The following PCSK6 variants were observed in gnomAD, a reference collection of about 807,000 sequenced individuals.
PCSK6 encodes the protein paired basic amino acid cleaving enzyme 4.
A neutral mutation model predicts 123.3 loss-of-function variants in PCSK6; 85 were observed. The ratio of observed to expected loss-of-function variants is 0.69; its 90% CI spans 0.58 to 0.83. The LOEUF is 0.83. Among genes scored for constraint, PCSK6 ranks in the 40% least tolerant of loss-of-function variants. The pLI, the probability that PCSK6 is intolerant of heterozygous loss-of-function variation, is 0.00. For missense variants in PCSK6, 1,191 were observed against 1,282.3 expected, an observed-to-expected ratio of 0.93 and a Z score of 1.09; for synonymous variants, 508 against 516.0, an observed-to-expected ratio of 0.98 and a Z score of 0.21.
intron 1 of PCSK6, among the ~76,000 whole-genome samples, chr15:101,488,883 G>A (rs1247046483): frequency 1.3e-5 from 2 of 150,868 alleles, no homozygotes; most frequent in African/African-American, 4.9e-5. Flanking sequence ...AGCAGCGGCC[G>A]CGGCCGCCTT....
At chr15:101,431,929 C>A in intron 3 of PCSK6, 61 bp downstream of exon 3, 2 of 1,188,444 alleles carry the variant, frequency 1.7e-6, no homozygotes, top group East Asian at 2.4e-5. Flanking sequence ...GGAAATTAAC[C>A]CATTTCAGAG....
chr15:101,342,160 T>G (rs1454773108), intron 13 of PCSK6, among the ~76,000 whole-genome samples: 35 of 109,940 alleles, frequency 3.2e-4, no homozygotes, highest in Admixed American at 3.0e-3. Flanking sequence ...AAAAGAAGAT[T>G]GCTTAAAGCA....
At chr15:101,461,532 A>T in intron 1 of PCSK6, among the ~76,000 whole-genome samples, 1 of 152,190 alleles carries the variant, frequency 6.6e-6, no homozygotes, top group Middle Eastern at 3.2e-3. Context: ...AACAGACAAG[A>T]ACAGTATAAG....
intron 3 of PCSK6, 54 bp downstream of exon 3, chr15:101,431,936 A>C: frequency 7.9e-7 from 1 of 1,263,422 alleles, no homozygotes; most frequent in South Asian, 1.2e-5. Context: ...AACCCATTTC[A>C]GAGACCTGGC....
intron 19 of PCSK6, chr15:101,313,941 A>G (rs1346551088): frequency 6.5e-6 from 1 of 154,998 alleles, no homozygotes; most frequent in Non-Finnish European, 1.4e-5. Context: ...AGGATATGTT[A>G]CTAAAATTAT....
chr15:101,431,514 AG>A, intron 3 of PCSK6, 51 bp from the exon 4 acceptor site: 1 of 1,610,010 alleles, frequency 6.2e-7, no homozygotes, highest in Non-Finnish European at 8.5e-7. Context: ...TTCCAGATGC[AG>A]AACTGACACT....
chr15:101,316,908 C>CTTTTTTTTTTTTTTTTT (rs2040001564), intron 19 of PCSK6, among the ~76,000 whole-genome samples: 1 of 91,684 alleles, frequency 1.1e-5, no homozygotes, highest in African/African-American at 9.0e-5. Flanking sequence ...AGACTTAATT[C>CTTTTTTTTTTTTTTTTT]TGTTTTTTTT....
At chr15:101,310,420 C>G (rs1002958222) in intron 20 of PCSK6, among the ~76,000 whole-genome samples, 3 of 152,262 alleles carry the variant, frequency 2.0e-5, no homozygotes, top group Non-Finnish European at 4.4e-5. Flanking sequence ...GCATGATCAG[C>G]ATGCCCTGAA....
At chr15:101,392,507 G>A (rs775716977) in intron 8 of PCSK6, among the ~76,000 whole-genome samples, 23 of 151,138 alleles carry the variant, frequency 1.5e-4, no homozygotes, top group Middle Eastern at 3.4e-3. Context: ...CAGCTCCACA[G>A]TCTCATTTTT....
intron 1 of PCSK6, among the ~76,000 whole-genome samples, chr15:101,450,379 C>G (rs903536071): frequency 2.6e-5 from 4 of 152,190 alleles, no homozygotes; most frequent in African/African-American, 9.6e-5. Context: ...TGTGCTCGCT[C>G]AAGTCCCCTC....
intron 13 of PCSK6, among the ~76,000 whole-genome samples, chr15:101,348,201 C>T (rs1005081473): frequency 1.3e-5 from 2 of 152,138 alleles, no homozygotes; most frequent in African/African-American, 4.8e-5. Flanking sequence ...TGCTCCTCCC[C>T]GGTGGGAACG....
chr15:101,324,792 G>T, intron 17 of PCSK6, 58 bp downstream of exon 17: 1 of 1,427,344 alleles, frequency 7.0e-7, no homozygotes, highest in Non-Finnish European at 9.7e-7. Flanking sequence ...GAGAGGACAC[G>T]GGCCCAGAAA....
At chr15:101,358,448 C>T (rs953492003) in intron 13 of PCSK6, among the ~76,000 whole-genome samples, 1 of 152,154 alleles carries the variant, frequency 6.6e-6, no homozygotes, top group South Asian at 2.1e-4. Context: ...TCACTGGTGG[C>T]CCTTGGGCCC....
intron 20 of PCSK6, among the ~76,000 whole-genome samples, chr15:101,312,825 A>C (rs573619970): frequency 6.6e-6 from 1 of 151,466 alleles, no homozygotes; most frequent in Non-Finnish European, 1.5e-5. Flanking sequence ...GCGAGACTCC[A>C]TCTCAAAAAA....
intron 21 of PCSK6, among the ~76,000 whole-genome samples, chr15:101,306,092 T>C (rs1596158657): frequency 9.1e-6 from 1 of 110,032 alleles, no homozygotes; most frequent in Non-Finnish European, 1.8e-5. Context: ...CAGGAGGGAA[T>C]GGAAGCTGCT....
intron 1 of PCSK6, among the ~76,000 whole-genome samples, chr15:101,487,880 A>C (rs187418424): frequency 6.6e-6 from 1 of 152,356 alleles, no homozygotes; most frequent in East Asian, 1.9e-4. Context: ...GTGGTTAAAA[A>C]AACTAAATAT....
At chr15:101,410,474 G>A (rs1249980754) in intron 6 of PCSK6, among the ~76,000 whole-genome samples, 1 of 152,214 alleles carries the variant, frequency 6.6e-6, no homozygotes, top group Non-Finnish European at 1.5e-5. Flanking sequence ...GCAAAGAAAG[G>A]ATGAATAAGA....
intron 1 of PCSK6, among the ~76,000 whole-genome samples, chr15:101,444,936 T>C (rs927899597): frequency 3.3e-5 from 5 of 152,200 alleles, no homozygotes; most frequent in African/African-American, 1.2e-4. Flanking sequence ...CCAGCCCCTT[T>C]GCTTCCCTTC....
At chr15:101,432,308 C>T (rs2056471115) in intron 2 of PCSK6, among the ~76,000 whole-genome samples, 1 of 151,998 alleles carries the variant, frequency 6.6e-6, no homozygotes, top group African/African-American at 2.4e-5. Context: ...GAAGAAATAA[C>T]ACCACTCTGA....
Sources: allele counts gnomAD v4.1 joint callset (sites outside exome capture counted in the v4.1 genomes callset), GRCh38; gene constraint gnomAD v4.1.1; transcripts MANE v1.5; gene names NCBI Gene and HGNC (gene_info 2026-07-23, HGNC 2026-07-21).